Variants in ABCA1 observed in about 807,000 individuals in gnomAD.
ABCA1 encodes the protein ATP binding cassette subfamily A member 1, also known as phospholipid-transporting ATPase ABCA1.
In ABCA1, 133 loss-of-function variants were observed where a neutral mutation model predicts 262.5. That is an observed-to-expected ratio of 0.51 (90% CI 0.44 to 0.59). ABCA1 has a LOEUF of 0.59. ABCA1 is among the 20% of genes least tolerant of loss of function. The probability of loss-of-function intolerance (pLI) is 0.00; values close to 1 mark genes in which losing one functional copy is unlikely to be tolerated. For missense variants in ABCA1, 2,452 were observed against 2,777.5 expected (o/e 0.88, Z 2.63); for synonymous variants, 1,022 against 1,043.5 (o/e 0.98, Z 0.40).
chr9:104,839,435 T>C (rs1834163492), intron 9 of ABCA1, among the ~76,000 whole-genome samples: 1 of 152,226 alleles, frequency 6.6e-6, no homozygotes, highest in Non-Finnish European at 1.5e-5. Context: ...TTAAAGAATC[T>C]TCCCTGCAGG....
chr9:104,917,861 C>T (rs1375938515), intron 1 of ABCA1, among the ~76,000 whole-genome samples: 2 of 152,136 alleles, frequency 1.3e-5, no homozygotes, highest in African/African-American at 2.4e-5. Flanking sequence ...CAGCTGGGGC[C>T]TTTGGGAACC....
At chr9:104,830,803 A>C in intron 14 of ABCA1, 122 bp downstream of exon 14, 1 of 1,151,710 alleles carries the variant, frequency 8.7e-7, no homozygotes, top group South Asian at 1.2e-5. Flanking sequence ...AACTGTTGAC[A>C]ACTTACATCT....
rs886063296 is a variant in ABCA1, at chr9:104,782,658, G to A, written c.*1657C>T. 1 of 152,232 alleles carries A rather than the reference G, an allele frequency of 6.6e-6. No individual in the cohort carries two copies. The highest frequency in any genetic ancestry group is 3.4e-3 in the Middle Eastern group (1 of 294). The allele number at this position is 152,232 out of a possible 1,614,324, so 9.4% of individuals were successfully genotyped here. The stretch of plus-strand genomic sequence containing the variant: ...TTTCTTGACTAGTGATTGAAGAGAT[G>A]AAAAATTTGAGACTGTCAGATTTAA... On this transcript the variant is annotated 3_prime_UTR_variant, in exon 50 of 50. Transcript: ENST00000374736.
At chr9:104,851,200 A>C (rs1236210660) in intron 7 of ABCA1, among the ~76,000 whole-genome samples, 2 of 152,158 alleles carry the variant, frequency 1.3e-5, no homozygotes, top group Non-Finnish European at 2.9e-5. Context: ...ATCCTCATGA[A>C]CTTAGTTCTG....
At chr9:104,877,993 G>A (rs1838298427) in intron 5 of ABCA1, among the ~76,000 whole-genome samples, 1 of 152,020 alleles carries the variant, frequency 6.6e-6, no homozygotes, top group African/African-American at 2.4e-5. Flanking sequence ...AATTGCAATT[G>A]GATGTGGGTT....
At chr9:104,854,452 T>C (rs1165851264) in intron 7 of ABCA1, among the ~76,000 whole-genome samples, 1 of 150,186 alleles carries the variant, frequency 6.7e-6, no homozygotes, top group African/African-American at 2.4e-5. Flanking sequence ...CTTGTTATAG[T>C]AGCAATAAAA....
At chr9:104,887,218 T>C (rs560039664) in intron 3 of ABCA1, among the ~76,000 whole-genome samples, 20 of 152,258 alleles carry the variant, frequency 1.3e-4, no homozygotes, top group Non-Finnish European at 2.2e-4. Flanking sequence ...GCAGACATTG[T>C]AGTGAGCGGA....
rs752455150 is a variant in ABCA1 at position 104,793,289 on chromosome 9, A to G, written c.5518T>C (p.Phe1840Leu). The G allele has an allele frequency of 9.9e-6, 16 of 1,613,980 alleles. No homozygotes were observed. The highest frequency in any genetic ancestry group is 9.3e-6 in the Non-Finnish European group (11 of 1,180,002). ...AAGTCCCAAGATAATGGTGACACAA[A>G]GCGATTCTCCCCTAGTAGACACAAT... ...DALERFGENR[F>L]VSPLSWDLVG... is the part of the protein sequence containing the mutation. The change falls in exon 41 of 50, where the codon TTT (phenylalanine) becomes CTT (leucine). Residue 1840 changes from phenylalanine to leucine, a missense_variant. Phe to Leu is a conservative substitution (Grantham distance 22, BLOSUM62 0). Coordinates refer to ENST00000374736, the MANE Select transcript of ABCA1 (RefSeq NM_005502.4).
intron 37 of ABCA1, among the ~76,000 whole-genome samples, chr9:104,796,839 T>C (rs775464737): frequency 6.6e-6 from 1 of 152,208 alleles, no homozygotes; most frequent in Non-Finnish European, 1.5e-5. Context: ...ATTTATGAGG[T>C]AACTGCTCAT....
At chr9:104,861,998 T>G (rs1269157573) in intron 5 of ABCA1, among the ~76,000 whole-genome samples, 198 bp from the exon 6 acceptor site, 1 of 151,790 alleles carries the variant, frequency 6.6e-6, no homozygotes, top group Non-Finnish European at 1.5e-5. Context: ...GGTAACATGT[T>G]GAGCCACACT....
intron 4 of ABCA1, 95 bp from the exon 5 acceptor site, chr9:104,883,252 T>C: frequency 1.8e-6 from 2 of 1,120,056 alleles, no homozygotes; most frequent in Non-Finnish European, 2.7e-6. Context: ...GAACTCAGCC[T>C]GGCTCCCAGG....
intron 8 of ABCA1, among the ~76,000 whole-genome samples, chr9:104,845,170 G>C (rs1834752633): frequency 2.0e-5 from 3 of 152,166 alleles, no homozygotes; most frequent in Admixed American, 1.3e-4. Context: ...GGCAGTGGCA[G>C]AGATAATTCT....
intron 2 of ABCA1, among the ~76,000 whole-genome samples, chr9:104,902,398 A>T (rs1840736249): frequency 6.6e-6 from 1 of 152,252 alleles, no homozygotes; most frequent in Admixed American, 6.5e-5. Flanking sequence ...TTCAATCATT[A>T]GCACATGATA....
intron 5 of ABCA1, among the ~76,000 whole-genome samples, chr9:104,878,812 T>C (rs1025076770): frequency 1.3e-5 from 2 of 152,120 alleles, no homozygotes; most frequent in Non-Finnish European, 2.9e-5. Flanking sequence ...ATGAGAGTAT[T>C]TGAGTAGAGA....
At position 104,861,317 on chromosome 9, in the gene ABCA1, G is replaced by A. The variant is rs980716264; in HGVS notation, c.543+362C>T. 23 of 388,278 alleles carry A rather than the reference G, an allele frequency of 5.9e-5. No individual in the cohort carries two copies. The East Asian group carries it at 1.2e-3, about 20-fold the overall frequency. 24.1% of individuals were successfully genotyped at this position (388,278 alleles called of 1,614,324 possible). A position where few individuals can be genotyped will look rare whatever the true frequency, so the allele number is the denominator to read the frequency against. Reference sequence around the variant, plus strand: ...TCCTGTCCTCAATTTTTTAGACAGAGCTCCTCCAGATCAATAACCCTTAAC... The same window carrying A: ...TCCTGTCCTCAATTTTTTAGACAGAACTCCTCCAGATCAATAACCCTTAAC... On this transcript the variant is annotated intron_variant, in intron 6 of 49. Transcript: ENST00000374736.
chr9:104,832,226 G>C (rs1021611365), intron 12 of ABCA1, among the ~76,000 whole-genome samples: 1 of 152,166 alleles, frequency 6.6e-6, no homozygotes, highest in East Asian at 1.9e-4. Context: ...ACCCGAATTC[G>C]ATTTTAGATA....
intron 7 of ABCA1, among the ~76,000 whole-genome samples, chr9:104,847,067 A>G (rs570965789): frequency 1.3e-5 from 2 of 152,320 alleles, no homozygotes; most frequent in African/African-American, 4.8e-5. Flanking sequence ...ACAAGATGAC[A>G]GATGTTCAAG....
chr9:104,786,262 C>T (rs758779675), intron 48 of ABCA1, 36 bp downstream of exon 48: 26 of 1,505,232 alleles, frequency 1.7e-5, no homozygotes, highest in Non-Finnish European at 2.0e-5. Flanking sequence ...CAAGCCTTCT[C>T]ACTAGGCACT....
chr9:104,796,848 A>C (rs1829940300), intron 37 of ABCA1, among the ~76,000 whole-genome samples: 1 of 152,230 alleles, frequency 6.6e-6, no homozygotes, highest in Non-Finnish European at 1.5e-5. Context: ...GTAACTGCTC[A>C]TAACATGAAT....
Sources: allele counts gnomAD v4.1 joint callset (sites outside exome capture counted in the v4.1 genomes callset), GRCh38; gene constraint gnomAD v4.1.1; transcripts MANE v1.5; gene names NCBI Gene and HGNC (gene_info 2026-07-23, HGNC 2026-07-21).